The following EXT1 variants were observed in gnomAD, a reference collection of about 807,000 sequenced individuals.
The protein encoded by EXT1 is exostosin-1.
In EXT1, 20 loss-of-function variants were observed where a neutral mutation model predicts 82.5. The ratio of observed to expected loss-of-function variants is 0.24; its 90% CI spans 0.17 to 0.35. The LOEUF (loss-of-function observed/expected upper bound fraction) is 0.35. Ranked by LOEUF, EXT1 falls within the 10% of genes least tolerant of loss-of-function variation. EXT1 has a pLI of 1.00. For missense variants in EXT1, 757 were observed against 936.5 expected (o/e 0.81, Z 2.50); for synonymous variants, 348 against 350.8 (o/e 0.99, Z 0.09).
At chr8:117,940,413 A>T (rs1390437485) in intron 1 of EXT1, among the ~76,000 whole-genome samples, 2 of 152,136 alleles carry the variant, frequency 1.3e-5, no homozygotes, top group African/African-American at 4.8e-5. Context: ...AGCCCCCCGT[A>T]TCTGGAAGGC....
At position 117,858,844 on chromosome 8, in the gene EXT1, GGAAA is replaced by G. The variant is rs1181366390; in HGVS notation, c.963-21647_963-21644del. 2.4e-3 allele frequency among the ~76,000 whole-genome samples: 201 copies of G among 85,250 alleles called. 7 individuals are homozygous for G. Among genetic ancestry groups the G allele is most frequent in the East Asian group, 0.013 (39 of 2,968 alleles). The allele number at this position is 85,250 out of a possible 152,430, so 55.9% of individuals were successfully genotyped here. A position where few individuals can be genotyped will look rare whatever the true frequency, so the allele number is the denominator to read the frequency against. The stretch of plus-strand genomic sequence containing the variant: ...AGGAAGGAAGGAAGGAAGGAAGGAA[GGAAA>G]GAAAGAAAGAAAGAAAGAAAGAAAG... On this transcript the variant is annotated intron_variant, in intron 1 of 10. Transcript: ENST00000378204.
In EXT1 at chr8:118,111,452, C is replaced by T; in HGVS notation, c.-406G>A. On this transcript the variant is annotated 5_prime_UTR_variant, in exon 1 of 11. Coordinates refer to ENST00000378204, the MANE Select transcript of EXT1 (RefSeq NM_000127.3). The stretch of plus-strand genomic sequence containing the variant: ...TTGCCTCTCGGATTCCTCTCGGCAG[C>T]GTGGAAAATGAGCCCCGGGAAGGCA... 1 of 527,892 alleles carries T rather than the reference C, an allele frequency of 1.9e-6. No individual in the cohort carries two copies. Among genetic ancestry groups the T allele is most frequent in the South Asian group, 3.1e-5 (1 of 31,870 alleles). 32.7% of individuals were successfully genotyped at this position (527,892 alleles called of 1,614,324 possible).
At chr8:117,873,984 G>C (rs575485224) in intron 1 of EXT1, among the ~76,000 whole-genome samples, 3 of 152,266 alleles carry the variant, frequency 2.0e-5, no homozygotes, top group Non-Finnish European at 4.4e-5. Context: ...AGTGGCCTAG[G>C]AGAATTTCTT....
At chr8:117,937,315 C>A (rs1247416063) in intron 1 of EXT1, among the ~76,000 whole-genome samples, 3 of 152,202 alleles carry the variant, frequency 2.0e-5, no homozygotes, top group Non-Finnish European at 2.9e-5. Context: ...CATAATGTAA[C>A]AAGTTCACTC....
chr8:118,013,850 G>A (rs561220190), intron 1 of EXT1, among the ~76,000 whole-genome samples: 1 of 152,094 alleles, frequency 6.6e-6, no homozygotes, highest in South Asian at 2.1e-4. Flanking sequence ...AAATTTAACT[G>A]GGCCTCCTAC....
intron 1 of EXT1, among the ~76,000 whole-genome samples, chr8:118,012,342 T>C (rs942063848): frequency 6.6e-6 from 1 of 152,234 alleles, no homozygotes; most frequent in Admixed American, 6.5e-5. Flanking sequence ...AAGAAGCCAC[T>C]GCGGCTTCCT....
intron 1 of EXT1, among the ~76,000 whole-genome samples, chr8:117,959,951 C>T (rs543878529): frequency 4.6e-5 from 7 of 152,310 alleles, no homozygotes; most frequent in African/African-American, 1.2e-4. Flanking sequence ...TGGTTGCTCA[C>T]GCCTGTAATC....
Position 118,039,828 on chromosome 8 carries a change from G to C in EXT1, c.962+70257C>G, listed in dbSNP as rs531047659. The stretch of plus-strand genomic sequence containing the variant: ...GAGCAGGCCTGATGATTTCTTCCAG[G>C]AATAAATAAATAAACAAGTACATAA... On this transcript the variant is annotated intron_variant, in intron 1 of 10. Transcript: ENST00000378204. 2.0e-5 allele frequency among the ~76,000 whole-genome samples: 3 copies of C among 152,128 alleles called. No homozygotes were observed. In the South Asian group the frequency reaches 6.2e-4, roughly 32 times the overall value.
intron 1 of EXT1, among the ~76,000 whole-genome samples, chr8:117,975,176 T>C (rs1421005997): frequency 2.6e-5 from 4 of 152,200 alleles, no homozygotes; most frequent in African/African-American, 9.7e-5. Context: ...TGAAGACAGA[T>C]TGTATTTCTT....
rs17474441 is a variant in EXT1, at chr8:117,820,070, C to T, written c.1418-276G>A. On this transcript the variant is annotated intron_variant, in intron 5 of 10. Transcript: ENST00000378204. ...CCTCTTGGTGATGTTTCTGTGATGT[C>T]CCTTTGGCTTTTTAGGTACCCAGTG... Among the ~76,000 whole-genome samples, 519 of 152,270 alleles carry T rather than the reference C, an allele frequency of 3.4e-3. 3 individuals carry two copies. Among genetic ancestry groups the T allele is most frequent in the African/African-American group, 0.012 (486 of 41,564 alleles).
intron 1 of EXT1, among the ~76,000 whole-genome samples, chr8:117,852,082 A>C (rs576850420): frequency 4.6e-5 from 7 of 152,250 alleles, no homozygotes; most frequent in Non-Finnish European, 8.8e-5. Context: ...TGAAGTAAGT[A>C]GCATTATATC....
chr8:117,958,704 G>A (rs1437643758), intron 1 of EXT1, among the ~76,000 whole-genome samples: 1 of 152,096 alleles, frequency 6.6e-6, no homozygotes, highest in Non-Finnish European at 1.5e-5. Flanking sequence ...TATTTATTGA[G>A]CATTTACTAT....
intron 1 of EXT1, among the ~76,000 whole-genome samples, chr8:118,095,268 T>A (rs1190370497): frequency 6.6e-6 from 1 of 152,204 alleles, no homozygotes; most frequent in Non-Finnish European, 1.5e-5. Flanking sequence ...TATAGCTAAG[T>A]CTAAACTAAG....
At chr8:118,055,190 T>C (rs571015123) in intron 1 of EXT1, among the ~76,000 whole-genome samples, 37 of 152,202 alleles carry the variant, frequency 2.4e-4, no homozygotes, top group Non-Finnish European at 5.1e-4. Context: ...TCTCCTGTCA[T>C]TGTACATTAA....
At chr8:118,100,750 G>GA (rs374573256) in intron 1 of EXT1, among the ~76,000 whole-genome samples, 3,810 of 138,030 alleles carry the variant, frequency 0.028, 156 homozygotes, top group African/African-American at 0.092. Flanking sequence ...ATCTCAAAAA[G>GA]AAAAAAAAAA....
intron 1 of EXT1, among the ~76,000 whole-genome samples, chr8:117,974,886 G>A (rs1387736016): frequency 6.6e-6 from 1 of 152,044 alleles, no homozygotes; most frequent in Non-Finnish European, 1.5e-5. Context: ...CTAATGAAAA[G>A]CACTGGGCTT....
At chr8:117,963,534 A>G (rs1236355254) in intron 1 of EXT1, among the ~76,000 whole-genome samples, 1 of 152,016 alleles carries the variant, frequency 6.6e-6, no homozygotes, top group African/African-American at 2.4e-5. Flanking sequence ...TCAATCACCC[A>G]GGCTGGACTG....
chr8:117,830,100 T>C, intron 4 of EXT1, 130 bp downstream of exon 4: 2 of 1,167,214 alleles, frequency 1.7e-6, no homozygotes, highest in Middle Eastern at 2.0e-4. Context: ...GGTTAACCAA[T>C]ATATCCAAGT....
intron 1 of EXT1, among the ~76,000 whole-genome samples, chr8:117,844,137 CTATTAT>C (rs61042253): frequency 0.039 from 5,619 of 142,508 alleles, 144 homozygotes; most frequent in Middle Eastern, 0.074. Flanking sequence ...ATTTCAATTA[CTATTAT>C]TATTATTATT....
Sources: allele counts gnomAD v4.1 joint callset (sites outside exome capture counted in the v4.1 genomes callset), GRCh38; gene constraint gnomAD v4.1.1; transcripts MANE v1.5; gene names NCBI Gene and HGNC (gene_info 2026-07-23, HGNC 2026-07-21).